Variants in LTBP4 observed in about 807,000 individuals in gnomAD.
The protein encoded by LTBP4 is latent transforming growth factor beta binding protein 4.
Under a neutral mutation model 180.2 loss-of-function variants are expected in LTBP4, and 93 were observed. That is an observed-to-expected ratio of 0.52 (90% CI 0.44 to 0.61). LTBP4 has a LOEUF of 0.61. LTBP4 is among the 20% of genes least tolerant of loss of function. The probability of loss-of-function intolerance (pLI) is 0.00; values close to 1 mark genes in which losing one functional copy is unlikely to be tolerated. For missense variants in LTBP4, 2,116 were observed against 2,256.5 expected (o/e 0.94, Z 1.26); for synonymous variants, 947 against 934.5 (o/e 1.01, Z -0.24).
chr19:40,611,977 G>C lies in LTBP4; in HGVS notation c.2172G>C (p.Glu724Asp). Residue 724 changes from glutamate to aspartate, a missense_variant, in exon 14 of 30, where the codon GAG becomes GAC. Coordinates refer to ENST00000396819, the MANE Select transcript of LTBP4 (RefSeq NM_001042545.2). This position sits in a 1 kb window ranked among gnomAD's most constrained non-coding sequence, Gnocchi z 4.4. ...MGFQPNTAGS[E>D]CEDVDECENH... ...TCCAACCCAACACTGCTGGCTCCGA[G>C]TGCGAGGGTGAGGCCGGGGAGGGAG... The C allele has an allele frequency of 1.2e-6, 2 of 1,612,090 alleles. No homozygotes were observed. Among genetic ancestry groups the C allele is most frequent in the Non-Finnish European group, 1.7e-6 (2 of 1,178,994 alleles).
intron 7 of LTBP4, 140 bp from the exon 8 acceptor site, chr19:40,608,079 CA>C: frequency 1.2e-6 from 1 of 853,052 alleles, no homozygotes; most frequent in Non-Finnish European, 1.9e-6. Context: ...TTGGCCAGGA[CA>C]CCACCCCATC....
At position 40,613,566 on chromosome 19, in the gene LTBP4, G is replaced by A; in HGVS notation, c.2557+37G>A. 3.2e-6 allele frequency: 5 copies of A among 1,551,796 alleles called. No individual in the cohort carries two copies. The highest frequency in any genetic ancestry group is 4.3e-6 in the Non-Finnish European group (5 of 1,150,658). On this transcript the variant is annotated intron_variant, in intron 17 of 29. Coordinates refer to ENST00000396819, the MANE Select transcript of LTBP4 (RefSeq NM_001042545.2). This position sits in a 1 kb window ranked among gnomAD's most constrained non-coding sequence, Gnocchi z 5.0. ...GGCTGATCCTGGCCCCGGAAAGGGT[G>A]GGCTTAGGGCAGGAAAAGGCGGGAC...
At chr19:40,607,270 C>CCCCCCA in intron 6 of LTBP4, 95 bp from the exon 7 acceptor site, 1 of 738,192 alleles carries the variant, frequency 1.4e-6, no homozygotes, top group Non-Finnish European at 2.0e-6. Flanking sequence ...AACCCCCCAC[C>CCCCCCA]CCCAACCCCA....
chr19:40,610,715 G>A (rs2081499895), intron 12 of LTBP4, 58 bp downstream of exon 12: 1 of 1,534,672 alleles, frequency 6.5e-7, no homozygotes, highest in South Asian at 1.2e-5. Context: ...AGAGCGCAGT[G>A]ATGAGGGCCA....
chr19:40,619,867 G>C (rs1257339601), intron 22 of LTBP4, among the ~76,000 whole-genome samples: 4 of 152,212 alleles, frequency 2.6e-5, no homozygotes, highest in African/African-American at 9.6e-5. Flanking sequence ...GACTGTGACG[G>C]GGAAAGCCCA....
chr19:40,607,112 G>C (rs1028468689), intron 6 of LTBP4, among the ~76,000 whole-genome samples: 1 of 151,982 alleles, frequency 6.6e-6, no homozygotes, highest in Non-Finnish European at 1.5e-5. Context: ...TCAACGACTC[G>C]ACTATCTTCA....
intron 26 of LTBP4, among the ~76,000 whole-genome samples, chr19:40,625,257 TA>T (rs2081616856): frequency 1.3e-3 from 2 of 1,520 alleles, no homozygotes; most frequent in Non-Finnish European, 2.5e-3. Flanking sequence ...TGTATTTATA[TA>T]TATATATATA....
Position 40,611,876 on chromosome 19 carries a change from C to T in LTBP4, c.2071C>T (p.Arg691Ter), listed in dbSNP as rs1377226312. 9 of 1,607,454 alleles carry T rather than the reference C, an allele frequency of 5.6e-6. No individual in the cohort carries two copies. The highest frequency in any genetic ancestry group is 6.8e-6 in the Non-Finnish European group (8 of 1,177,214). Residue 691 changes from arginine (R) to a stop codon, truncating the protein, a stop_gained, in exon 14 of 30, where the codon CGA (arginine) becomes TGA (stop). Transcript: ENST00000396819. LOFTEE classifies it high-confidence loss of function. This position sits in a 1 kb window ranked among gnomAD's most constrained non-coding sequence, Gnocchi z 4.4. Reference protein sequence around the residue: ...APCQDVDECARSPPPCTYGRC... With the variant: ...APCQDVDECA ...TGCCCCAGATGTGGATGAGTGTGCCCGAAGCCCCCCACCCTGCACCTACGG... is the reference window on the plus strand; with the variant it reads ...TGCCCCAGATGTGGATGAGTGTGCCTGAAGCCCCCCACCCTGCACCTACGG...
At chr19:40,604,328 G>A (rs1221450112) in intron 1 of LTBP4, among the ~76,000 whole-genome samples, 2 of 151,990 alleles carry the variant, frequency 1.3e-5, no homozygotes, top group East Asian at 1.9e-4. Flanking sequence ...GAGTGTGGGC[G>A]GGCATAGAAT....
At position 40,626,892 on chromosome 19, in the gene LTBP4, G is replaced by C. The variant is rs1025261826; in HGVS notation, c.3986-83G>C. 16 of 1,440,102 alleles carry C rather than the reference G, an allele frequency of 1.1e-5. No individual in the cohort carries two copies. In the African/African-American group the frequency reaches 2.3e-4, roughly 21 times the overall value. The allele number at this position is 1,440,102 out of a possible 1,614,324, so 89.2% of individuals were successfully genotyped here. ...CAGGACCCTCCCCATCCAGTCCTCTGCCTCCTCTCCCAAGGGGGGTATGTG... is the reference window on the plus strand; with the variant it reads ...CAGGACCCTCCCCATCCAGTCCTCTCCCTCCTCTCCCAAGGGGGGTATGTG... On this transcript the variant is annotated intron_variant, in intron 27 of 29. Transcript: ENST00000396819.
rs2278242 is a variant in LTBP4, at chr19:40,625,770, C to G, written c.3833-87C>G. The G allele has an allele frequency of 0.41, 504,588 of 1,224,114 alleles. 109,784 individuals are homozygous for G. Among genetic ancestry groups the G allele is most frequent in the African/African-American group, 0.74 (47,200 of 64,100 alleles). The allele number at this position is 1,224,114 out of a possible 1,614,324, so 75.8% of individuals were successfully genotyped here. A position where few individuals can be genotyped will look rare whatever the true frequency, so the allele number is the denominator to read the frequency against. ...AGGATTTGCTGATAGGCAGAGGGTGCCTGGGCTGCTCAGCAGGGGAAGGGT... is the reference window on the plus strand; with the variant it reads ...AGGATTTGCTGATAGGCAGAGGGTGGCTGGGCTGCTCAGCAGGGGAAGGGT... On this transcript the variant is annotated intron_variant, in intron 26 of 29. Transcript: ENST00000396819.
chr19:40,597,162 A>T, upstream of LTBP4: 1 of 727,606 alleles, frequency 1.4e-6, no homozygotes, highest in Non-Finnish European at 1.8e-6. Context: ...GGGCGGGGGC[A>T]GGGGCGGGGC....
At chr19:40,624,128 C>A in intron 26 of LTBP4, 46 bp downstream of exon 26, 1 of 1,477,900 alleles carries the variant, frequency 6.8e-7, no homozygotes, top group Non-Finnish European at 9.0e-7. Flanking sequence ...TTGGCTCGGC[C>A]TCACACCCGC....
rs775810296 is a variant in LTBP4, at chr19:40,605,067, G to A, written c.283G>A (p.Val95Met). 1.5e-5 allele frequency: 24 copies of A among 1,613,640 alleles called. No individual in the cohort carries two copies. The highest frequency in any genetic ancestry group is 1.7e-5 in the Non-Finnish European group (20 of 1,179,788). Residue 95 changes from valine (V) to methionine (M), a missense_variant, in exon 2 of 30, where the codon GTG (valine) becomes ATG (methionine). By Grantham distance (21) the Val-to-Met change is conservative. Coordinates refer to ENST00000396819, the MANE Select transcript of LTBP4 (RefSeq NM_001042545.2). This position sits in a 1 kb window ranked among gnomAD's most constrained non-coding sequence, Gnocchi z 5.5. ...LCPLICHNGG[V>M]CVKPDRCLCP... ...TCCCTTGATCTGTCACAATGGCGGTGTGTGCGTGAAGCCTGACCGCTGCCT... is the reference window on the plus strand; with the variant it reads ...TCCCTTGATCTGTCACAATGGCGGTATGTGCGTGAAGCCTGACCGCTGCCT...
rs2081591627 is a variant in LTBP4, at chr19:40,622,357, T to C, written c.3218-44T>C. 6.9e-7 allele frequency: 1 copy of C among 1,457,808 alleles called. No homozygotes were observed. 90.3% of individuals were successfully genotyped at this position (1,457,808 alleles called of 1,614,324 possible). On this transcript the variant is annotated intron_variant, in intron 22 of 29. Transcript: ENST00000396819. This position sits in a 1 kb window ranked among gnomAD's most constrained non-coding sequence, Gnocchi z 5.1. ...TCCCCATCTATGATAGTGGCGGGGC[T>C]GGGGATTCAGCCCACACTGGGCTAA...
intron 19 of LTBP4, chr19:40,615,193 C>CGGGGGTG (rs2081539117): frequency 4.2e-5 from 1 of 23,598 alleles, no homozygotes; most frequent in Non-Finnish European, 8.7e-5. Flanking sequence ...TTTGTGTCGG[C>CGGGGGTG]GGGGGGGGGG....
chr19:40,629,726 C>A lies in LTBP4; in HGVS notation c.*176C>A. ...TGCTCCCGCCTCCACCAGCGCCTCC[C>A]ACTGATGTCGTGGTCCCGGGCCTGG... On this transcript the variant is annotated 3_prime_UTR_variant, in exon 30 of 30. Transcript: ENST00000396819. This position sits in a 1 kb window ranked among gnomAD's most constrained non-coding sequence, Gnocchi z 4.5. 1.8e-6 allele frequency: 1 copy of A among 557,348 alleles called. No homozygotes were observed. The highest frequency in any genetic ancestry group is 2.6e-6 in the Non-Finnish European group (1 of 377,920). The allele number at this position is 557,348 out of a possible 1,614,324, so 34.5% of individuals were successfully genotyped here.
rs1254553565 is a variant in LTBP4, at chr19:40,611,496, G to C, written c.2053+102G>C. The C allele has an allele frequency of 6.8e-7, 1 of 1,480,204 alleles. No individual in the cohort carries two copies. The highest frequency in any genetic ancestry group is 9.0e-7 in the Non-Finnish European group (1 of 1,110,998). The allele number at this position is 1,480,204 out of a possible 1,614,324, so 91.7% of individuals were successfully genotyped here. On this transcript the variant is annotated intron_variant, in intron 13 of 29. Coordinates refer to ENST00000396819, the MANE Select transcript of LTBP4 (RefSeq NM_001042545.2). The surrounding 1 kb of genome is among the most constrained non-coding windows in gnomAD (Gnocchi z 4.4). ...GGCAGAGTGATGGGGCTCAGGGATG[G>C]AGAACAGGGGCTGAGGGATGGGGAC...
intron 19 of LTBP4, among the ~76,000 whole-genome samples, chr19:40,615,545 G>C (rs1306461958): frequency 2.6e-5 from 4 of 152,148 alleles, no homozygotes; most frequent in African/African-American, 9.7e-5. Flanking sequence ...GGATCACGAG[G>C]TCAGGAGATC....
Sources: gnomAD v4.1 joint callset for allele counts (sites outside exome capture counted in the v4.1 genomes callset) on GRCh38, gnomAD v4.1.1 for gene constraint, Gnocchi (gnomAD v3.1) non-coding constraint, MANE v1.5 for transcripts, NCBI Gene and HGNC (gene_info 2026-07-23, HGNC 2026-07-21) for gene names.